Variants in SBF2 observed in about 807,000 individuals in gnomAD.
SBF2 encodes the protein SET binding factor 2.
A neutral mutation model predicts 225.2 loss-of-function variants in SBF2; 112 were observed. That is an observed-to-expected ratio of 0.50 (90% CI 0.43 to 0.58). SBF2 has a LOEUF of 0.58. SBF2 is among the 20% of genes least tolerant of loss of function. The probability of loss-of-function intolerance (pLI) is 0.00; values close to 1 mark genes in which losing one functional copy is unlikely to be tolerated. For synonymous variants in SBF2, 763 were observed against 773.3 expected, an observed-to-expected ratio of 0.99 and a Z score of 0.22; for missense variants, 1,996 against 2,206.2, an observed-to-expected ratio of 0.90 and a Z score of 1.91.
chr11:10,226,359 T>C (rs1257499428), intron 1 of SBF2, among the ~76,000 whole-genome samples: 1 of 152,132 alleles, frequency 6.6e-6, no homozygotes, highest in Non-Finnish European at 1.5e-5. Context: ...GTTTAAGTTT[T>C]AGGGTACATG....
chr11:9,925,364 A>G (rs980441476), intron 16 of SBF2, among the ~76,000 whole-genome samples: 2 of 151,708 alleles, frequency 1.3e-5, no homozygotes, highest in Admixed American at 6.6e-5. Context: ...TGCAACCTCC[A>G]CCTCCCGGCT....
At chr11:10,240,683 C>G (rs944293470) in intron 1 of SBF2, among the ~76,000 whole-genome samples, 3 of 152,174 alleles carry the variant, frequency 2.0e-5, no homozygotes, top group African/African-American at 7.2e-5. Context: ...ATATTATCAT[C>G]AGGATATGAA....
intron 2 of SBF2, among the ~76,000 whole-genome samples, chr11:10,189,632 T>C (rs1181124331): frequency 1.3e-5 from 2 of 152,222 alleles, no homozygotes; most frequent in African/African-American, 2.4e-5. Context: ...TAGTGTATAA[T>C]TTAAATAACA....
At chr11:10,193,056 G>C (rs1957236661) in intron 2 of SBF2, among the ~76,000 whole-genome samples, 1 of 152,072 alleles carries the variant, frequency 6.6e-6, no homozygotes, top group Non-Finnish European at 1.5e-5. Context: ...AACAACAAAA[G>C]GAGTTGAACT....
intron 1 of SBF2, among the ~76,000 whole-genome samples, chr11:10,285,444 G>A (rs560685517): frequency 6.6e-6 from 1 of 152,182 alleles, no homozygotes; most frequent in African/African-American, 2.4e-5. Context: ...GGACCTGGTG[G>A]CAGGGAACCT....
intron 1 of SBF2, among the ~76,000 whole-genome samples, chr11:10,196,866 A>ATATATATATATATTTTTTTT: frequency 2.1e-4 from 21 of 99,296 alleles, no homozygotes; most frequent in African/African-American, 5.2e-4. Context: ...ATATATATAT[A>ATATATATATATATTTTTTTT]TTTTTTTTTT....
intron 2 of SBF2, among the ~76,000 whole-genome samples, chr11:10,109,468 C>G (rs749277357): frequency 3.9e-5 from 6 of 152,178 alleles, no homozygotes; most frequent in Non-Finnish European, 7.4e-5. Context: ...GCTTCTTGGA[C>G]TCAGCCCACA....
intron 2 of SBF2, among the ~76,000 whole-genome samples, chr11:10,114,977 G>C (rs563503795): frequency 1.4e-4 from 21 of 152,298 alleles, no homozygotes; most frequent in Admixed American, 1.3e-3. Flanking sequence ...TTGGACATTT[G>C]CTTCAGCCAG....
At chr11:10,284,723 A>C (rs1442464233) in intron 1 of SBF2, among the ~76,000 whole-genome samples, 2 of 151,922 alleles carry the variant, frequency 1.3e-5, no homozygotes, top group Non-Finnish European at 2.9e-5. Context: ...TAATGCTCCC[A>C]CCTCAACCTC....
chr11:10,189,967 C>A (rs1957098627), intron 2 of SBF2, among the ~76,000 whole-genome samples: 1 of 152,260 alleles, frequency 6.6e-6, no homozygotes, highest in Admixed American at 6.5e-5. Flanking sequence ...GCCTGACCAA[C>A]ATGGTGAAAC....
At chr11:9,937,467 A>T (rs1483173230) in intron 16 of SBF2, among the ~76,000 whole-genome samples, 1 of 152,194 alleles carries the variant, frequency 6.6e-6, no homozygotes. Flanking sequence ...AACAGAAGAA[A>T]ACTAGTTCAA....
intron 13 of SBF2, among the ~76,000 whole-genome samples, chr11:9,976,369 G>T (rs1269663713): frequency 6.6e-6 from 1 of 151,944 alleles, no homozygotes; most frequent in African/African-American, 2.4e-5. Flanking sequence ...ACTGCGCCTG[G>T]CCCAGATATC....
At chr11:9,889,290 G>C (rs1031630063) in intron 17 of SBF2, among the ~76,000 whole-genome samples, 1 of 152,162 alleles carries the variant, frequency 6.6e-6, no homozygotes, top group Non-Finnish European at 1.5e-5. Flanking sequence ...AAATGACACA[G>C]ATTACTTTTT....
At chr11:9,833,134 C>A (rs1395575904) in intron 26 of SBF2, among the ~76,000 whole-genome samples, 1 of 152,148 alleles carries the variant, frequency 6.6e-6, no homozygotes, top group Admixed American at 6.5e-5. Flanking sequence ...GGCTTAAAAA[C>A]CAAAACCAAA....
At chr11:9,796,048 A>C (rs1853101707) in intron 32 of SBF2, 91 bp from the exon 33 acceptor site, 2 of 1,256,550 alleles carry the variant, frequency 1.6e-6, no homozygotes, top group Admixed American at 1.8e-5. Context: ...AACATGCAGG[A>C]GACCATTCAG....
chr11:10,113,247 A>AAATCAG (rs1952967772), intron 2 of SBF2, among the ~76,000 whole-genome samples: 1 of 151,910 alleles, frequency 6.6e-6, no homozygotes, highest in Non-Finnish European at 1.5e-5. Flanking sequence ...TCCGAAATCA[A>AAATCAG]TCTCCCAAAG....
intron 2 of SBF2, among the ~76,000 whole-genome samples, chr11:10,155,361 T>C (rs1426735514): frequency 6.6e-6 from 1 of 151,960 alleles, no homozygotes; most frequent in African/African-American, 2.4e-5. Context: ...ACTGTTGCCA[T>C]GCTCTGTTGA....
chr11:9,964,927 C>T (rs949416581), intron 14 of SBF2, among the ~76,000 whole-genome samples: 6 of 152,106 alleles, frequency 3.9e-5, no homozygotes, highest in Non-Finnish European at 8.8e-5. Flanking sequence ...CATGGACATA[C>T]TGCATAGTGG....
At chr11:9,884,224 G>A (rs1860067179) in intron 17 of SBF2, among the ~76,000 whole-genome samples, 1 of 152,100 alleles carries the variant, frequency 6.6e-6, no homozygotes, top group Admixed American at 6.5e-5. Context: ...CAGGAGACCT[G>A]GGCTCTTGTA....
Sources: allele counts gnomAD v4.1 joint callset (sites outside exome capture counted in the v4.1 genomes callset), GRCh38; gene constraint gnomAD v4.1.1; transcripts MANE v1.5; gene names NCBI Gene and HGNC (gene_info 2026-07-23, HGNC 2026-07-21).